AFF2: variants seen among roughly 807,000 people sequenced by gnomAD.
The protein encoded by AFF2 is AF4/FMR2 family member 2.
Under a neutral mutation model 76.9 loss-of-function variants are expected in AFF2, and 14 were observed. The observed-to-expected ratio is 0.18, with a 90% confidence interval of 0.12 to 0.28. AFF2 has a LOEUF of 0.28. AFF2 is among the 10% of genes least tolerant of loss of function. AFF2 has a pLI of 1.00. For synonymous variants in AFF2, 398 were observed against 366.7 expected (o/e 1.09, Z -0.98); for missense variants, 868 against 1,001.1 (o/e 0.87, Z 1.79).
chrX:148,506,023 T>G (rs782563204), intron 1 of AFF2, among the ~76,000 whole-genome samples: 2 of 110,883 alleles, frequency 1.8e-5, no homozygotes, highest in Non-Finnish European at 3.8e-5. Flanking sequence ...ATTGCTACTA[T>G]AATTTGAGTG....
At chrX:148,557,415 A>T (rs1338495202) in intron 1 of AFF2, among the ~76,000 whole-genome samples, 1 of 112,238 alleles carries the variant, frequency 8.9e-6, no homozygotes, top group Non-Finnish European at 1.9e-5. Context: ...AAGAACAGAG[A>T]TTTATTTGTT....
At position 148,999,083 on chromosome X, in the gene AFF2, A is replaced by G. The variant is rs1296503717; in HGVS notation, c.*7751A>G. ...GAAAAGGATAGAGGTAGTTTTTTCA[A>G]AAGAGCACTTTAATAATATCCTCTG... On this transcript the variant is annotated 3_prime_UTR_variant, in exon 21 of 21. Coordinates refer to ENST00000370460, the MANE Select transcript of AFF2 (RefSeq NM_002025.4). The G allele has an allele frequency of 9.0e-6, 1 of 111,694 alleles. No individual in the cohort carries two copies. Among genetic ancestry groups the G allele is most frequent in the Non-Finnish European group, 1.9e-5 (1 of 53,169 alleles). 9.2% of individuals were successfully genotyped at this position (111,694 alleles called of 1,213,427 possible).
chrX:148,644,057 C>T (rs782288085), intron 1 of AFF2, among the ~76,000 whole-genome samples: 2 of 111,511 alleles, frequency 1.8e-5, no homozygotes, highest in African/African-American at 6.5e-5. Context: ...AGTTTTAGTG[C>T]ACTCTTACAA....
intron 5 of AFF2, among the ~76,000 whole-genome samples, chrX:148,838,398 A>G (rs955057742): frequency 1.8e-5 from 2 of 111,822 alleles, no homozygotes; most frequent in African/African-American, 6.5e-5. Context: ...GCTTAAAGGT[A>G]GGGGTGAAGA....
chrX:148,995,868 G>C lies in AFF2; in HGVS notation c.*4536G>C, dbSNP rs1260999760. ...CAAGCTCAAGCTCGCCTGCCTGCCAGCAGTTGCTGGTGAGCAGCAGCATGC... is the reference window on the plus strand; with the variant it reads ...CAAGCTCAAGCTCGCCTGCCTGCCACCAGTTGCTGGTGAGCAGCAGCATGC... On this transcript the variant is annotated 3_prime_UTR_variant, in exon 21 of 21. Transcript: ENST00000370460. 3 of 112,711 alleles carry C rather than the reference G, an allele frequency of 2.7e-5. No individual in the cohort carries two copies. The highest frequency in any genetic ancestry group is 9.7e-5 in the African/African-American group (3 of 30,956). 9.3% of individuals were successfully genotyped at this position (112,711 alleles called of 1,213,427 possible).
chrX:148,976,847 A>G (rs1205176382), intron 16 of AFF2, among the ~76,000 whole-genome samples: 1 of 112,734 alleles, frequency 8.9e-6, no homozygotes, highest in African/African-American at 3.2e-5. Flanking sequence ...TTTGCTTAAT[A>G]TTGCAACAAA....
chrX:148,625,856 C>T (rs2053920483), intron 1 of AFF2, among the ~76,000 whole-genome samples: 2 of 111,185 alleles, frequency 1.8e-5, no homozygotes, highest in Non-Finnish European at 3.8e-5. Context: ...AGCTGATGAC[C>T]CACAGCCAAA....
intron 4 of AFF2, among the ~76,000 whole-genome samples, chrX:148,829,207 C>T (rs2070424179): frequency 8.9e-6 from 1 of 112,317 alleles, no homozygotes; most frequent in African/African-American, 3.2e-5. Context: ...TGCATTGACC[C>T]ATTGTTATGC....
At chrX:148,584,352 G>T (rs2053444964) in intron 1 of AFF2, among the ~76,000 whole-genome samples, 1 of 111,338 alleles carries the variant, frequency 9.0e-6, no homozygotes, top group Non-Finnish European at 1.9e-5. Context: ...TCCTGGGTCT[G>T]AGAAACTGTT....
intron 9 of AFF2, among the ~76,000 whole-genome samples, chrX:148,921,609 T>C (rs1189875640): frequency 8.9e-6 from 1 of 112,546 alleles, no homozygotes; most frequent in Admixed American, 9.4e-5. Context: ...TAGGGAATGT[T>C]ACTAGGAAAA....
At chrX:148,928,549 G>A (rs1199284519) in intron 9 of AFF2, among the ~76,000 whole-genome samples, 2 of 112,643 alleles carry the variant, frequency 1.8e-5, no homozygotes, top group Non-Finnish European at 3.8e-5. Flanking sequence ...AGTCATCCCG[G>A]GATGCTTCAT....
intron 3 of AFF2, among the ~76,000 whole-genome samples, chrX:148,670,115 G>T (rs1557258927): frequency 8.9e-6 from 1 of 111,847 alleles, no homozygotes; most frequent in African/African-American, 3.3e-5. Context: ...TAAGCTAAAT[G>T]AAGTTGTCTC....
chrX:148,995,179 G>A lies in AFF2; in HGVS notation c.*3847G>A, dbSNP rs1304274104. On this transcript the variant is annotated 3_prime_UTR_variant, in exon 21 of 21. Coordinates refer to ENST00000370460, the MANE Select transcript of AFF2 (RefSeq NM_002025.4). Reference sequence around the variant, plus strand: ...TGTTGTTTCTCATTTTCACTCGCACGGCCTTATTCTCATAATTAAAATCTA... The same window carrying A: ...TGTTGTTTCTCATTTTCACTCGCACAGCCTTATTCTCATAATTAAAATCTA... 1.8e-5 allele frequency: 2 copies of A among 110,416 alleles called. No homozygotes were observed. The highest frequency in any genetic ancestry group is 6.6e-5 in the African/African-American group (2 of 30,231). 9.1% of individuals were successfully genotyped at this position (110,416 alleles called of 1,213,427 possible). A position where few individuals can be genotyped will look rare whatever the true frequency, so the allele number is the denominator to read the frequency against.
chrX:148,562,855 G>C (rs1472630623), intron 1 of AFF2, among the ~76,000 whole-genome samples: 5 of 111,913 alleles, frequency 4.5e-5, no homozygotes, highest in Admixed American at 9.5e-5. Context: ...CTGGTTGCAT[G>C]GAGTTTACAT....
chrX:148,892,776 C>T (rs782687891), intron 8 of AFF2, among the ~76,000 whole-genome samples: 15 of 112,122 alleles, frequency 1.3e-4, no homozygotes, highest in South Asian at 3.7e-4. Flanking sequence ...CTGCTGTAAT[C>T]GGTCCTATTT....
At chrX:148,685,807 C>T (rs1400654339) in intron 3 of AFF2, among the ~76,000 whole-genome samples, 1 of 110,405 alleles carries the variant, frequency 9.1e-6, no homozygotes, top group Non-Finnish European at 1.9e-5. Context: ...AATTACCGGT[C>T]TATTTATCTC....
intron 16 of AFF2, among the ~76,000 whole-genome samples, chrX:148,974,008 A>G (rs1179693313): frequency 8.9e-6 from 1 of 111,772 alleles, no homozygotes. Flanking sequence ...TATCTTGGTT[A>G]TTAAAAAGGG....
chrX:148,579,374 T>C (rs1356448059), intron 1 of AFF2, among the ~76,000 whole-genome samples: 1 of 111,315 alleles, frequency 9.0e-6, no homozygotes, highest in East Asian at 2.8e-4. Flanking sequence ...GGGAGCTAAG[T>C]TTTACCTGAG....
chrX:148,535,698 T>C (rs1325594953), intron 1 of AFF2, among the ~76,000 whole-genome samples: 1 of 112,154 alleles, frequency 8.9e-6, no homozygotes, highest in African/African-American at 3.2e-5. Context: ...GCCTACTCAC[T>C]TTCCCCATGG....
Sources: gnomAD v4.1 joint callset for allele counts (sites outside exome capture counted in the v4.1 genomes callset) on GRCh38, gnomAD v4.1.1 for gene constraint, MANE v1.5 for transcripts, NCBI Gene and HGNC (gene_info 2026-07-23, HGNC 2026-07-21) for gene names.